The following JAK2 variants were observed in gnomAD, a reference collection of about 807,000 sequenced individuals.
The protein encoded by JAK2 is tyrosine-protein kinase JAK2.
JAK2 carries 86 observed loss-of-function variants against 139.3 expected under a neutral mutation model. The observed-to-expected ratio is 0.62, with a 90% CI of 0.52 to 0.74. The LOEUF (loss-of-function observed/expected upper bound fraction) is 0.74. JAK2 is among the 30% of genes least tolerant of loss of function. JAK2 has a pLI of 0.00. For synonymous variants in JAK2, 490 were observed against 437.7 expected, an observed-to-expected ratio of 1.12 and a Z score of -1.49; for missense variants, 1,421 against 1,360.3, an observed-to-expected ratio of 1.04 and a Z score of -0.70.
intron 22 of JAK2, among the ~76,000 whole-genome samples, chr9:5,115,674 A>G (rs1312854060): frequency 3.9e-5 from 6 of 152,266 alleles, no homozygotes; most frequent in African/African-American, 4.8e-5. Context: ...ATGCCCATCA[A>G]TGATAGACTG....
intron 22 of JAK2, chr9:5,113,470 GC>G (rs1373297952): frequency 2.7e-5 from 4 of 149,966 alleles, no homozygotes; most frequent in African/African-American, 1.0e-4. Context: ...CCTTGGCCAG[GC>G]TGGATCAGAC....
At position 5,022,102 on chromosome 9, in the gene JAK2, C is replaced by G; in HGVS notation, c.115C>G (p.Leu39Val). The change falls in exon 3 of 25, where the codon CTT becomes GTT. Residue 39 changes from leucine to valine, a missense_variant. Physicochemically the swap from Leu to Val is conservative, Grantham distance 32. Coordinates refer to ENST00000381652, the MANE Select transcript of JAK2 (RefSeq NM_004972.4). Reference sequence around the variant, plus strand: ...TTCTATGAAGCAAATAGATCCAGTTCTTCAGGTGTATCTTTACCATTCCCT... The same window carrying G: ...TTCTATGAAGCAAATAGATCCAGTTGTTCAGGTGTATCTTTACCATTCCCT... Reference protein sequence around the residue: ...ANSMKQIDPVLQVYLYHSLGK... With the variant: ...ANSMKQIDPVVQVYLYHSLGK... 6.2e-7 allele frequency: 1 copy of G among 1,613,616 alleles called. No homozygotes were observed. The highest frequency in any genetic ancestry group is 8.5e-7 in the Non-Finnish European group (1 of 1,179,498).
chr9:5,091,797 AC>A (rs762953057), intron 22 of JAK2, among the ~76,000 whole-genome samples: 16 of 152,156 alleles, frequency 1.1e-4, no homozygotes, highest in South Asian at 4.2e-4. Context: ...CTGAATAAAA[AC>A]CTAGTATACT....
chr9:5,028,928 G>A (rs1822961578), intron 3 of JAK2, among the ~76,000 whole-genome samples: 1 of 152,168 alleles, frequency 6.6e-6, no homozygotes. Context: ...CATCAATAAG[G>A]CTGTTTTGCT....
Position 5,066,747 on chromosome 9 carries a change from T to C in JAK2, c.1284T>C (p.Ser428=), listed in dbSNP as rs2230727. The C allele has an allele frequency of 1.4e-3, 2,207 of 1,580,522 alleles. 37 individuals carry two copies. In the African/African-American group the frequency reaches 0.027, roughly 20 times the overall value. ...CTGGACTGTATGTACTTCGATGCAGTCCTAAGGACTTTAATAAATATTTTT... is the reference window on the plus strand; with the variant it reads ...CTGGACTGTATGTACTTCGATGCAGCCCTAAGGACTTTAATAAATATTTTT... ...NQTGLYVLRC[S]PKDFNKYFLT... Residue 428 remains serine (S), a synonymous_variant, in exon 10 of 25, where the codon AGT becomes AGC. Coordinates refer to ENST00000381652, the MANE Select transcript of JAK2 (RefSeq NM_004972.4).
chr9:5,111,377 C>G (rs973869490), intron 22 of JAK2: 14 of 401,344 alleles, frequency 3.5e-5, no homozygotes, highest in African/African-American at 2.5e-4. Flanking sequence ...ACGCCAGCAG[C>G]TCTGGCGGAC....
intron 2 of JAK2, among the ~76,000 whole-genome samples, chr9:4,995,638 G>A (rs1198678270): frequency 6.6e-6 from 1 of 152,150 alleles, no homozygotes; most frequent in African/African-American, 2.4e-5. Context: ...CTTGGGTAGT[G>A]AACATTTCTA....
At chr9:5,108,454 TA>T (rs1274367267) in intron 22 of JAK2, 1 of 152,154 alleles carries the variant, frequency 6.6e-6, no homozygotes, top group African/African-American at 2.4e-5. Flanking sequence ...AATATGCTAG[TA>T]ATGATATTTA....
At chr9:5,041,227 G>T (rs943688952) in intron 4 of JAK2, 2 of 1,464,064 alleles carry the variant, frequency 1.4e-6, no homozygotes, top group Non-Finnish European at 1.9e-6. Flanking sequence ...TGGGGCGCCC[G>T]GGGACCAAGC....
intron 8 of JAK2, among the ~76,000 whole-genome samples, chr9:5,062,500 TAAAAAAAA>T (rs58424625): frequency 8.6e-5 from 5 of 58,242 alleles, no homozygotes; most frequent in African/African-American, 3.1e-4. Flanking sequence ...CTTCCATTTG[TAAAAAAAA>T]AAAAAAAAAA....
intron 19 of JAK2, 34 bp downstream of exon 19, chr9:5,081,895 A>C (rs1207963356): frequency 6.4e-7 from 1 of 1,554,170 alleles, no homozygotes; most frequent in Admixed American, 1.7e-5. Flanking sequence ...ATAGAGTATA[A>C]TCATTTCATT....
intron 18 of JAK2, among the ~76,000 whole-genome samples, chr9:5,080,959 G>A (rs1355209221): frequency 3.6e-5 from 5 of 137,598 alleles, no homozygotes; most frequent in Admixed American, 2.3e-4. Context: ...GCAGTGGCGC[G>A]ATCTCGGCTC....
chr9:4,991,946 T>C (rs372203934), intron 2 of JAK2, among the ~76,000 whole-genome samples: 6 of 152,204 alleles, frequency 3.9e-5, no homozygotes, highest in Admixed American at 3.3e-4. Context: ...CTCTGATTGC[T>C]ATTGCTGTGT....
At chr9:5,033,345 A>G (rs1417310402) in intron 4 of JAK2, among the ~76,000 whole-genome samples, 1 of 152,214 alleles carries the variant, frequency 6.6e-6, no homozygotes, top group African/African-American at 2.4e-5. Context: ...AACTTCCCTA[A>G]TCTAGCGAGG....
intron 22 of JAK2, chr9:5,110,148 C>A (rs1209007089): frequency 6.6e-6 from 1 of 152,208 alleles, no homozygotes; most frequent in Admixed American, 6.5e-5. Flanking sequence ...TAAATTCGGC[C>A]TCCATCCCTG....
At chr9:5,057,885 T>G (rs934743113) in intron 8 of JAK2, among the ~76,000 whole-genome samples, 19 of 152,078 alleles carry the variant, frequency 1.2e-4, no homozygotes, top group Non-Finnish European at 2.8e-4. Flanking sequence ...CCAGCCCCTC[T>G]ACTTTCTTAT....
chr9:4,998,391 G>C (rs1820713649), intron 2 of JAK2, among the ~76,000 whole-genome samples: 1 of 152,014 alleles, frequency 6.6e-6, no homozygotes, highest in Non-Finnish European at 1.5e-5. Flanking sequence ...CGAGTAACTG[G>C]GATTATAGGC....
Position 4,985,389 on chromosome 9 carries a change from C to T in JAK2, c.-350C>T, listed in dbSNP as rs916044830. On this transcript the variant is annotated 5_prime_UTR_variant, in exon 1 of 25. Transcript: ENST00000381652. ...TTCGGCTTCTCGGCCGGTCGGGCCCCTCGGCCCGGGCTTGCGGCGCGCGTC... is the reference window on the plus strand; with the variant it reads ...TTCGGCTTCTCGGCCGGTCGGGCCCTTCGGCCCGGGCTTGCGGCGCGCGTC... 3.3e-5 allele frequency: 5 copies of T among 152,476 alleles called. No homozygotes were observed. The highest frequency in any genetic ancestry group is 1.2e-4 in the African/African-American group (5 of 41,468). 9.4% of individuals were successfully genotyped at this position (152,476 alleles called of 1,614,324 possible). A position where few individuals can be genotyped will look rare whatever the true frequency, so the allele number is the denominator to read the frequency against.
At position 5,067,143 on chromosome 9, in the gene JAK2, G is replaced by A. The variant is rs539976718; in HGVS notation, c.1326+354G>A. Reference sequence around the variant, plus strand: ...CACATCATGTAGAACAAAATAAATCGGAAGCAAATTTTCTGTTTATTAACA... The same window carrying A: ...CACATCATGTAGAACAAAATAAATCAGAAGCAAATTTTCTGTTTATTAACA... On this transcript the variant is annotated intron_variant, in intron 10 of 24. Coordinates refer to ENST00000381652, the MANE Select transcript of JAK2 (RefSeq NM_004972.4). 3.3e-5 allele frequency among the ~76,000 whole-genome samples: 5 copies of A among 152,088 alleles called. No homozygotes were observed. In the East Asian group the frequency reaches 5.8e-4, roughly 18 times the overall value.
Sources: gnomAD v4.1 joint callset for allele counts (sites outside exome capture counted in the v4.1 genomes callset) on GRCh38, gnomAD v4.1.1 for gene constraint, MANE v1.5 for transcripts, NCBI Gene and HGNC (gene_info 2026-07-23, HGNC 2026-07-21) for gene names.